ZDHHC15: variants seen among roughly 807,000 people sequenced by gnomAD.
ZDHHC15 encodes the protein palmitoyltransferase ZDHHC15.
Under a neutral mutation model 31.7 loss-of-function variants are expected in ZDHHC15, and 19 were observed. The observed-to-expected ratio is 0.60, with a 90% CI of 0.42 to 0.88. The LOEUF (loss-of-function observed/expected upper bound fraction) is 0.88, where lower values mean the gene tolerates loss of function less well. Ranked by LOEUF, ZDHHC15 falls within the 40% of genes least tolerant of loss-of-function variation. The pLI is 0.00. For missense variants in ZDHHC15, 209 were observed against 251.2 expected (o/e 0.83, Z 1.14); for synonymous variants, 103 against 90.0 (o/e 1.14, Z -0.82).
chrX:75,434,436 A>G (rs572672735), intron 4 of ZDHHC15, among the ~76,000 whole-genome samples: 4 of 111,691 alleles, frequency 3.6e-5, no homozygotes, highest in East Asian at 2.8e-4. Context: ...AGTTTTTCCA[A>G]TGTTATCTTC....
intron 1 of ZDHHC15, among the ~76,000 whole-genome samples, chrX:75,508,449 C>T (rs944191626): frequency 1.3e-4 from 14 of 108,132 alleles, no homozygotes; most frequent in African/African-American, 4.4e-4. Flanking sequence ...TTTCCAGCTT[C>T]ATCCATGTCC....
intron 1 of ZDHHC15, among the ~76,000 whole-genome samples, chrX:75,517,748 T>C (rs112274353): frequency 0.047 from 5,144 of 108,708 alleles, 150 homozygotes; most frequent in Non-Finnish European, 0.074. Flanking sequence ...AATAATAAAA[T>C]TTTAAAAAAA....
At position 75,431,492 on chromosome X, in the gene ZDHHC15, C is replaced by A; in HGVS notation, c.408G>T (p.Leu136=). 4 of 1,208,504 alleles carry A rather than the reference C, an allele frequency of 3.3e-6. No individual in the cohort carries two copies. Among genetic ancestry groups the A allele is most frequent in the Non-Finnish European group, 3.4e-6 (3 of 894,370 alleles). Residue 136 remains leucine (L), a synonymous_variant, in exon 5 of 12, where the codon CTG becomes CTT. Transcript: ENST00000373367. ...AGTGGTGGCAGCGGTCTGGCTTGAT[C>A]AGATGACACCGGTCACAGAATCGTA... The part of the protein sequence containing the change: ...GAVRFCDRCH[L]IKPDRCHHCS...
At chrX:75,477,819 C>G (rs2084630128) in intron 3 of ZDHHC15, among the ~76,000 whole-genome samples, 1 of 111,906 alleles carries the variant, frequency 8.9e-6, no homozygotes, top group South Asian at 3.7e-4. Flanking sequence ...CTGCCAATTT[C>G]AACCTTTTAA....
intron 7 of ZDHHC15, among the ~76,000 whole-genome samples, chrX:75,425,159 G>T (rs1022654240): frequency 1.8e-5 from 2 of 111,225 alleles, no homozygotes; most frequent in Non-Finnish European, 3.8e-5. Context: ...TTGTCTCAGG[G>T]TAAGTTATTC....
rs148583276 is a variant in ZDHHC15 at position 75,500,112 on chromosome X, G to A, written c.163+5709C>T. Among the ~76,000 whole-genome samples the A allele has an allele frequency of 2.9e-4, 32 of 110,241 alleles. No homozygotes were observed. The East Asian group carries it at 8.6e-3, about 29-fold the overall frequency. On this transcript the variant is annotated intron_variant, in intron 2 of 11. Coordinates refer to ENST00000373367, the MANE Select transcript of ZDHHC15 (RefSeq NM_144969.3). ...GCAAATGCATAAGAATGGACTTTGG[G>A]GATTTAGGGGAAGGATGGGAGTGGG...
intron 1 of ZDHHC15, among the ~76,000 whole-genome samples, chrX:75,518,305 A>G (rs1318381736): frequency 9.0e-6 from 1 of 111,625 alleles, no homozygotes; most frequent in Non-Finnish European, 1.9e-5. Context: ...AATCCCATTT[A>G]AAAAATGGAC....
intron 8 of ZDHHC15, 69 bp downstream of exon 8, chrX:75,424,583 G>T: frequency 9.5e-7 from 1 of 1,053,837 alleles, no homozygotes; most frequent in African/African-American, 1.9e-5. Context: ...AGTTTTAATT[G>T]GGAACAATTC....
intron 1 of ZDHHC15, among the ~76,000 whole-genome samples, chrX:75,521,656 G>T (rs2085443554): frequency 9.0e-6 from 1 of 111,062 alleles, no homozygotes; most frequent in South Asian, 3.8e-4. Flanking sequence ...TATAAAAGGG[G>T]TAGTCTAATG....
intron 2 of ZDHHC15, among the ~76,000 whole-genome samples, chrX:75,482,426 A>G (rs560712854): frequency 2.6e-4 from 29 of 112,043 alleles, no homozygotes; most frequent in Middle Eastern, 4.6e-3. Context: ...CTAATACATG[A>G]TATTACATTT....
chrX:75,382,811 A>G (rs1327435923), intron 10 of ZDHHC15, among the ~76,000 whole-genome samples: 2 of 111,896 alleles, frequency 1.8e-5, no homozygotes, highest in African/African-American at 6.5e-5. Flanking sequence ...TCAGCTTGAC[A>G]TCTGTCCCAT....
chrX:75,380,794 T>C (rs1171131540), intron 10 of ZDHHC15, among the ~76,000 whole-genome samples: 1 of 111,625 alleles, frequency 9.0e-6, no homozygotes, highest in East Asian at 2.8e-4. Context: ...TATGTAGTAG[T>C]GATTTCACTT....
At chrX:75,462,072 G>C (rs1026593208) in intron 3 of ZDHHC15, among the ~76,000 whole-genome samples, 1 of 111,728 alleles carries the variant, frequency 9.0e-6, no homozygotes, top group Non-Finnish European at 1.9e-5. Context: ...TCAAAATAAA[G>C]GGATGGAGGA....
chrX:75,394,978 TA>T (rs775743834), intron 10 of ZDHHC15, among the ~76,000 whole-genome samples: 2 of 112,208 alleles, frequency 1.8e-5, no homozygotes, highest in Non-Finnish European at 3.8e-5. Context: ...TGACAAGTGT[TA>T]AAAAAATTTA....
At chrX:75,472,003 T>A (rs1319061843) in intron 3 of ZDHHC15, among the ~76,000 whole-genome samples, 1 of 112,008 alleles carries the variant, frequency 8.9e-6, no homozygotes, top group Non-Finnish European at 1.9e-5. Flanking sequence ...GAACTATCTA[T>A]CATGAACTGG....
intron 3 of ZDHHC15, among the ~76,000 whole-genome samples, chrX:75,470,207 C>T (rs751477017): frequency 9.0e-6 from 1 of 111,349 alleles, no homozygotes; most frequent in African/African-American, 3.3e-5. Context: ...CAGGAAAACG[C>T]GAAAAGACTA....
intron 3 of ZDHHC15, among the ~76,000 whole-genome samples, chrX:75,465,630 C>A (rs2084391429): frequency 9.0e-6 from 1 of 111,084 alleles, no homozygotes; most frequent in Non-Finnish European, 1.9e-5. Context: ...AAAACAGAAC[C>A]CAGAAATAAG....
intron 10 of ZDHHC15, chrX:75,384,305 C>T (rs2083156358): frequency 3.1e-6 from 2 of 640,536 alleles, no homozygotes; most frequent in South Asian, 2.2e-5. Flanking sequence ...CTGGTAAATG[C>T]CCTTTTGGCT....
At chrX:75,450,749 C>T in intron 4 of ZDHHC15, 53 bp downstream of exon 4, 1 of 1,209,540 alleles carries the variant, frequency 8.3e-7, no homozygotes, top group Non-Finnish European at 1.1e-6. Context: ...ATGACTTAGC[C>T]TTTCTGAGAT....
Sources: allele counts gnomAD v4.1 joint callset (sites outside exome capture counted in the v4.1 genomes callset), GRCh38; gene constraint gnomAD v4.1.1; transcripts MANE v1.5; gene names NCBI Gene and HGNC (gene_info 2026-07-23, HGNC 2026-07-21).